Variants in GALNT18 observed in about 807,000 individuals in gnomAD.
The protein encoded by GALNT18 is polypeptide N-acetylgalactosaminyltransferase 18, also known as GalNAc-transferase 18.
In GALNT18, 44 loss-of-function variants were observed where a neutral mutation model predicts 69.5. The observed-to-expected ratio is 0.63, with a 90% confidence interval of 0.50 to 0.81. The LOEUF (loss-of-function observed/expected upper bound fraction) is 0.81. Ranked by LOEUF, GALNT18 falls within the 40% of genes least tolerant of loss-of-function variation. The pLI is 0.00. For missense variants in GALNT18, 715 were observed against 810.0 expected (o/e 0.88, Z 1.42); for synonymous variants, 364 against 318.2 (o/e 1.14, Z -1.53).
rs905681316 is a variant in GALNT18 at position 11,511,938 on chromosome 11, C to T, written c.236-63002G>A. 6.6e-6 allele frequency among the ~76,000 whole-genome samples: 1 copy of T among 152,122 alleles called. No individual in the cohort carries two copies. The highest frequency in any genetic ancestry group is 1.5e-5 in the Non-Finnish European group (1 of 68,030). ...ACTCTATGGTGCTTTGTTACAGCAG[C>T]TCAAACTGATCAACACATATACATA... On this transcript the variant is annotated intron_variant, in intron 1 of 10. Coordinates refer to ENST00000227756, the MANE Select transcript of GALNT18 (RefSeq NM_198516.3). This position sits in a 1 kb window ranked among gnomAD's most constrained non-coding sequence, Gnocchi z 4.9.
intron 6 of GALNT18, chr11:11,352,954 C>T (rs1250492680): frequency 6.2e-7 from 1 of 1,614,116 alleles, no homozygotes; most frequent in Admixed American, 1.7e-5. Flanking sequence ...ATGTTGATGG[C>T]TTCAAATACT....
intron 7 of GALNT18, among the ~76,000 whole-genome samples, chr11:11,335,985 C>T (rs1850104662): frequency 6.6e-6 from 1 of 152,098 alleles, no homozygotes; most frequent in Admixed American, 6.5e-5. Context: ...AATTTGTTAC[C>T]ATAGCCCTAG....
At chr11:11,292,922 G>C (rs1564883223) in intron 10 of GALNT18, 107 bp downstream of exon 10, 3 of 1,054,142 alleles carry the variant, frequency 2.8e-6, no homozygotes, top group Non-Finnish European at 3.8e-6. Context: ...CTGCCAGTCT[G>C]TCTCTCCTTC....
intron 9 of GALNT18, 152 bp downstream of exon 9, chr11:11,326,934 T>C (rs1204086247): frequency 3.3e-6 from 2 of 606,622 alleles, no homozygotes; most frequent in East Asian, 5.5e-5. Flanking sequence ...CTCATGAGGA[T>C]GTGCCCTAAT....
chr11:11,392,498 A>C (rs913836587), intron 3 of GALNT18, among the ~76,000 whole-genome samples: 2 of 152,212 alleles, frequency 1.3e-5, no homozygotes. Flanking sequence ...GCATGCCTGT[A>C]ATCCCAGCTA....
At chr11:11,367,070 G>A (rs1447656792) in intron 6 of GALNT18, among the ~76,000 whole-genome samples, 5 of 152,164 alleles carry the variant, frequency 3.3e-5, no homozygotes, top group Non-Finnish European at 5.9e-5. Flanking sequence ...CCAAAGTGGA[G>A]CCAGTCAGCT....
intron 1 of GALNT18, among the ~76,000 whole-genome samples, chr11:11,476,940 T>C (rs1263657077): frequency 6.6e-6 from 1 of 152,158 alleles, no homozygotes; most frequent in African/African-American, 2.4e-5. Context: ...AAGGACTGCA[T>C]TGTTGAAGAT....
chr11:11,331,789 G>T (rs1274903622), intron 8 of GALNT18, among the ~76,000 whole-genome samples: 1 of 152,128 alleles, frequency 6.6e-6, no homozygotes, highest in East Asian at 1.9e-4. Context: ...AGTCTTGGGG[G>T]TTTGTCATGG....
At chr11:11,368,273 G>T (rs1589943641) in intron 6 of GALNT18, among the ~76,000 whole-genome samples, 1 of 152,054 alleles carries the variant, frequency 6.6e-6, no homozygotes, top group East Asian at 1.9e-4. Flanking sequence ...TTCCTCTATG[G>T]TATATCTAAA....
chr11:11,565,906 A>G (rs1478699404), intron 1 of GALNT18, among the ~76,000 whole-genome samples: 4 of 152,188 alleles, frequency 2.6e-5, no homozygotes, highest in Non-Finnish European at 4.4e-5. Context: ...CAGTGTAGAG[A>G]AGTGTTTTGA....
chr11:11,274,588 A>G (rs1848898381), intron 10 of GALNT18, among the ~76,000 whole-genome samples: 1 of 152,214 alleles, frequency 6.6e-6, no homozygotes, highest in Admixed American at 6.6e-5. Flanking sequence ...TCTGAGGTAC[A>G]TGTGCAGAAT....
At chr11:11,422,804 G>T (rs373931137) in intron 3 of GALNT18, among the ~76,000 whole-genome samples, 1 of 152,034 alleles carries the variant, frequency 6.6e-6, no homozygotes, top group African/African-American at 2.4e-5. Flanking sequence ...CCCAGCAGCT[G>T]GTGGCAAGCA....
At chr11:11,528,380 G>A (rs918261546) in intron 1 of GALNT18, among the ~76,000 whole-genome samples, 1 of 152,192 alleles carries the variant, frequency 6.6e-6, no homozygotes, top group Non-Finnish European at 1.5e-5. Context: ...TCAGAGACTA[G>A]ACAAGTAACC....
chr11:11,380,026 T>C (rs934854336), intron 3 of GALNT18, among the ~76,000 whole-genome samples: 4 of 152,364 alleles, frequency 2.6e-5, no homozygotes, highest in African/African-American at 7.2e-5. Context: ...TCACAGTTGG[T>C]TGGACAGGAT....
At chr11:11,285,621 C>T (rs183795163) in intron 10 of GALNT18, among the ~76,000 whole-genome samples, 4 of 152,326 alleles carry the variant, frequency 2.6e-5, no homozygotes, top group East Asian at 3.9e-4. Flanking sequence ...GACAGTTCTA[C>T]ACTTGTCCCT....
At chr11:11,527,456 T>G (rs954169868) in intron 1 of GALNT18, among the ~76,000 whole-genome samples, 1 of 152,180 alleles carries the variant, frequency 6.6e-6, no homozygotes, top group African/African-American at 2.4e-5. Flanking sequence ...GGTTCTGCAA[T>G]TCACAGATTT....
rs1849576782 is a variant in GALNT18, at chr11:11,306,235, A to ATGTGTATG, written c.1513-13043_1513-13042insCATACACA. ...TGTCTGTGTGTGCATGTGTGTGTGTATGTGTGTGTGTGTGCATGCATGTGC... is the reference window on the plus strand; with the variant it reads ...TGTCTGTGTGTGCATGTGTGTGTGTATGTGTATGTGTGTGTGTGTGTGCATGCATGTGC... On this transcript the variant is annotated intron_variant, in intron 9 of 10. Coordinates refer to ENST00000227756, the MANE Select transcript of GALNT18 (RefSeq NM_198516.3). Among the ~76,000 whole-genome samples the ATGTGTATG allele has an allele frequency of 3.3e-5, 5 of 151,558 alleles. No individual in the cohort carries two copies. The South Asian group carries it at 8.4e-4, about 25-fold the overall frequency.
At position 11,320,144 on chromosome 11, in the gene GALNT18, A is replaced by G. The variant is rs1849819592; in HGVS notation, c.1512+6942T>C. Among the ~76,000 whole-genome samples, 1 of 152,160 alleles carries G rather than the reference A, an allele frequency of 6.6e-6. No homozygotes were observed. On this transcript the variant is annotated intron_variant, in intron 9 of 10. Coordinates refer to ENST00000227756, the MANE Select transcript of GALNT18 (RefSeq NM_198516.3). The surrounding 1 kb of genome is among the most constrained non-coding windows in gnomAD (Gnocchi z 4.9). The stretch of plus-strand genomic sequence containing the variant: ...GCATGGCTGGGATTTGAACCCATAT[A>G]GTCTGGTTCTTAATCACTATATATT...
Position 11,497,062 on chromosome 11 carries a change from C to T in GALNT18, c.236-48126G>A, listed in dbSNP as rs183432047. ...AGAGCCACATGGGCCTTCCTGCTTC[C>T]AGGCTCATTCCCACCTCAGGGCCTT... On this transcript the variant is annotated intron_variant, in intron 1 of 10. Coordinates refer to ENST00000227756, the MANE Select transcript of GALNT18 (RefSeq NM_198516.3). The surrounding 1 kb of genome is among the most constrained non-coding windows in gnomAD (Gnocchi z 4.2). Among the ~76,000 whole-genome samples the T allele has an allele frequency of 1.6e-3, 237 of 152,240 alleles. 1 individual carries two copies. The highest frequency in any genetic ancestry group is 5.4e-3 in the African/African-American group (226 of 41,526).
Sources: allele counts gnomAD v4.1 joint callset (sites outside exome capture counted in the v4.1 genomes callset), GRCh38; gene constraint gnomAD v4.1.1; non-coding constraint Gnocchi (gnomAD v3.1); transcripts MANE v1.5; gene names NCBI Gene and HGNC (gene_info 2026-07-23, HGNC 2026-07-21).